The following DYNC1I1 variants were observed in gnomAD, a reference collection of about 807,000 sequenced individuals.
DYNC1I1 encodes dynein cytoplasmic 1 intermediate chain 1.
A neutral mutation model predicts 86.6 loss-of-function variants in DYNC1I1; 43 were observed. That is an observed-to-expected ratio of 0.50 (90% confidence interval 0.39 to 0.64). The LOEUF is 0.64. Among genes scored for constraint, DYNC1I1 ranks in the 30% least tolerant of loss-of-function variants. DYNC1I1 has a pLI of 0.00. For missense variants in DYNC1I1, 604 were observed against 788.8 expected, an observed-to-expected ratio of 0.77 and a Z score of 2.81; for synonymous variants, 262 against 283.7, an observed-to-expected ratio of 0.92 and a Z score of 0.77.
At chr7:96,063,356 C>G (rs1789851547) in intron 14 of DYNC1I1, among the ~76,000 whole-genome samples, 1 of 150,920 alleles carries the variant, frequency 6.6e-6, no homozygotes, top group African/African-American at 2.4e-5. Context: ...CATTAGAGGC[C>G]AAGAGGAAAA....
chr7:95,862,431 T>C (rs1467528809), intron 5 of DYNC1I1, among the ~76,000 whole-genome samples: 1 of 150,898 alleles, frequency 6.6e-6, no homozygotes, highest in South Asian at 2.1e-4. Context: ...GATATACAAA[T>C]GGTCAGTAAG....
chr7:95,821,625 AC>A (rs1795078055), intron 4 of DYNC1I1, among the ~76,000 whole-genome samples: 1 of 152,184 alleles, frequency 6.6e-6, no homozygotes, highest in Non-Finnish European at 1.5e-5. Flanking sequence ...ACAAGAACCG[AC>A]CATGGGATTT....
At chr7:95,856,840 G>A (rs1023365869) in intron 5 of DYNC1I1, among the ~76,000 whole-genome samples, 16 of 152,090 alleles carry the variant, frequency 1.1e-4, no homozygotes, top group African/African-American at 3.1e-4. Context: ...TTAGCAGGGC[G>A]TGGTGGCAGG....
chr7:95,959,473 A>C (rs908276853), intron 6 of DYNC1I1, among the ~76,000 whole-genome samples: 3 of 152,172 alleles, frequency 2.0e-5, no homozygotes, highest in Non-Finnish European at 4.4e-5. Flanking sequence ...AAATCTATAA[A>C]CTGATTGAAT....
At chr7:95,887,067 A>C (rs1223552849) in intron 6 of DYNC1I1, among the ~76,000 whole-genome samples, 1 of 152,064 alleles carries the variant, frequency 6.6e-6, no homozygotes, top group East Asian at 1.9e-4. Flanking sequence ...GAGGTCCTCT[A>C]CTCAGCCAGT....
intron 4 of DYNC1I1, among the ~76,000 whole-genome samples, chr7:95,814,666 G>C (rs1051690423): frequency 2.0e-5 from 3 of 151,876 alleles, no homozygotes; most frequent in African/African-American, 4.8e-5. Flanking sequence ...GGGTTTTTTT[G>C]CTTTTGAAAC....
At chr7:95,800,686 C>T (rs1437175437) in intron 1 of DYNC1I1, among the ~76,000 whole-genome samples, 1 of 152,140 alleles carries the variant, frequency 6.6e-6, no homozygotes, top group East Asian at 1.9e-4. Flanking sequence ...GCCCTATACC[C>T]AGAGGTGGGT....
chr7:96,014,237 T>C (rs1342913038), intron 10 of DYNC1I1, among the ~76,000 whole-genome samples: 3 of 152,164 alleles, frequency 2.0e-5, no homozygotes, highest in Non-Finnish European at 1.5e-5. Flanking sequence ...CTTAACTTAA[T>C]TGAAGAAACT....
At chr7:95,987,184 C>T (rs367785130) in intron 9 of DYNC1I1, 29 bp downstream of exon 9, 31 of 1,578,352 alleles carry the variant, frequency 2.0e-5, no homozygotes, top group Non-Finnish European at 1.4e-5. Flanking sequence ...CTGGGACAAA[C>T]TGGGCTTGTG....
intron 5 of DYNC1I1, among the ~76,000 whole-genome samples, chr7:95,865,014 A>T (rs1342030816): frequency 1.3e-5 from 2 of 152,034 alleles, no homozygotes; most frequent in Non-Finnish European, 2.9e-5. Context: ...CCTAAAACAG[A>T]TTGCCAGACC....
intron 6 of DYNC1I1, among the ~76,000 whole-genome samples, chr7:95,957,745 G>T (rs1321299833): frequency 6.6e-6 from 1 of 152,184 alleles, no homozygotes; most frequent in Non-Finnish European, 1.5e-5. Context: ...TTTGCTGATT[G>T]TGGGATTTAT....
Position 95,886,713 on chromosome 7 carries a change from G to A in DYNC1I1, c.490+16715G>A, listed in dbSNP as rs538968513. 7.2e-5 allele frequency among the ~76,000 whole-genome samples: 11 copies of A among 152,230 alleles called. No homozygotes were observed. The South Asian group carries it at 2.3e-3, about 32-fold the overall frequency. On this transcript the variant is annotated intron_variant, in intron 6 of 16. Coordinates refer to ENST00000447467, the MANE Select transcript of DYNC1I1 (RefSeq NM_001135556.2). Reference sequence around the variant, plus strand: ...GACTGTGCAAATCCTTACCAAGGAAGCAAAGTGGAAAAAAAAATTGAGGAA... The same window carrying A: ...GACTGTGCAAATCCTTACCAAGGAAACAAAGTGGAAAAAAAAATTGAGGAA...
At chr7:95,974,546 G>C (rs1420580273) in intron 6 of DYNC1I1, among the ~76,000 whole-genome samples, 1 of 152,098 alleles carries the variant, frequency 6.6e-6, no homozygotes, top group East Asian at 1.9e-4. Context: ...TAAAACCCAG[G>C]GGCCAGCAAG....
intron 5 of DYNC1I1, among the ~76,000 whole-genome samples, chr7:95,830,723 G>A (rs1365279005): frequency 6.6e-6 from 1 of 152,116 alleles, no homozygotes; most frequent in African/African-American, 2.4e-5. Context: ...CCTCCCAGTA[G>A]AGGTATTTAT....
intron 1 of DYNC1I1, among the ~76,000 whole-genome samples, chr7:95,783,033 G>A (rs185708185): frequency 6.6e-5 from 10 of 152,284 alleles, no homozygotes; most frequent in Admixed American, 6.5e-4. Flanking sequence ...AGACCAGAGT[G>A]GTTTTAGAAA....
chr7:95,950,799 AAG>A (rs1457401808), intron 6 of DYNC1I1, among the ~76,000 whole-genome samples: 1 of 152,196 alleles, frequency 6.6e-6, no homozygotes, highest in Non-Finnish European at 1.5e-5. Context: ...GCACCAACAA[AAG>A]CATATTGGTA....
At chr7:95,793,329 G>A (rs1794356639) in intron 1 of DYNC1I1, among the ~76,000 whole-genome samples, 1 of 152,058 alleles carries the variant, frequency 6.6e-6, no homozygotes, top group Admixed American at 6.6e-5. Flanking sequence ...AAGACAAGAT[G>A]GCAGCATTAC....
chr7:95,785,118 A>G (rs900334888), intron 1 of DYNC1I1, among the ~76,000 whole-genome samples: 1 of 152,204 alleles, frequency 6.6e-6, no homozygotes, highest in African/African-American at 2.4e-5. Context: ...ACAGCCTGTG[A>G]CAGCCATTAA....
intron 16 of DYNC1I1, among the ~76,000 whole-genome samples, chr7:96,092,721 T>C: frequency 6.6e-6 from 1 of 152,072 alleles, no homozygotes; most frequent in East Asian, 1.9e-4. Flanking sequence ...CGAGAAGTAG[T>C]GGGGTAGCCT....
Sources: gnomAD v4.1 joint callset for allele counts (sites outside exome capture counted in the v4.1 genomes callset) on GRCh38, gnomAD v4.1.1 for gene constraint, MANE v1.5 for transcripts, NCBI Gene and HGNC (gene_info 2026-07-23, HGNC 2026-07-21) for gene names.